The following TENM3 variants were observed in gnomAD, a reference collection of about 807,000 sequenced individuals.
TENM3 encodes teneurin-3.
In TENM3, 63 loss-of-function variants were observed where a neutral mutation model predicts 255.1. The ratio of observed to expected loss-of-function variants is 0.25; its 90% CI spans 0.20 to 0.30. The LOEUF is 0.30. Ranked by LOEUF, TENM3 falls within the 10% of genes least tolerant of loss-of-function variation. The pLI is 1.00. For synonymous variants in TENM3, 1,306 were observed against 1,322.3 expected, an observed-to-expected ratio of 0.99 and a Z score of 0.27; for missense variants, 2,929 against 3,461.1, an observed-to-expected ratio of 0.85 and a Z score of 3.86.
the TENM3 span, among the ~76,000 whole-genome samples, chr4:181,695,237 A>C: frequency 1.3e-5 from 2 of 152,254 alleles, no homozygotes; most frequent in Non-Finnish European, 1.5e-5. Flanking sequence ...GGAAGGACAC[A>C]TAGCTAAAGA....
At chr4:181,888,522 A>ATGTG in the TENM3 span, among the ~76,000 whole-genome samples, 8 of 92,638 alleles carry the variant, frequency 8.6e-5, no homozygotes, top group Non-Finnish European at 1.6e-4. Context: ...ATATGTATAT[A>ATGTG]TATACATATA....
the TENM3 span, among the ~76,000 whole-genome samples, chr4:182,049,009 GT>G: frequency 3.3e-5 from 5 of 152,078 alleles, no homozygotes; most frequent in African/African-American, 9.7e-5. Flanking sequence ...TTGTTGTGAT[GT>G]TTTTAATAGT....
At position 182,800,585 on chromosome 4, in the gene TENM3, C is replaced by T. The variant is rs1026116183; in HGVS notation, c.*234C>T. On this transcript the variant is annotated 3_prime_UTR_variant, in exon 28 of 28. Coordinates refer to ENST00000511685, the MANE Select transcript of TENM3 (RefSeq NM_001080477.4). ...TAGCGCTGCACTCAGTCGGACTGAA[C>T]GTAGCCAGAGGAAAAAAAAATCATC... The T allele has an allele frequency of 3.0e-5, 13 of 431,984 alleles. No homozygotes were observed. The East Asian group carries it at 3.4e-4, about 11-fold the overall frequency. The allele number at this position is 431,984 out of a possible 1,614,324, so 26.8% of individuals were successfully genotyped here. A position where few individuals can be genotyped will look rare whatever the true frequency, so the allele number is the denominator to read the frequency against.
the TENM3 span, among the ~76,000 whole-genome samples, chr4:181,485,707 G>A: frequency 4.6e-5 from 7 of 152,256 alleles, no homozygotes; most frequent in South Asian, 1.4e-3. Flanking sequence ...ATTCATTAAT[G>A]CTGCATTGAT....
intron 12 of TENM3, among the ~76,000 whole-genome samples, chr4:182,702,621 A>G (rs1401494273): frequency 1.3e-5 from 2 of 152,224 alleles, no homozygotes; most frequent in Non-Finnish European, 2.9e-5. Context: ...AGAAGCTAGT[A>G]AAATCTCCAC....
chr4:182,555,635 T>C (rs1742508564), intron 3 of TENM3, among the ~76,000 whole-genome samples: 1 of 152,170 alleles, frequency 6.6e-6, no homozygotes, highest in Non-Finnish European at 1.5e-5. Flanking sequence ...ATAAATACCA[T>C]GTCAAGAAAG....
chr4:182,117,252 C>T, the TENM3 span, among the ~76,000 whole-genome samples: 5 of 152,134 alleles, frequency 3.3e-5, no homozygotes, highest in Non-Finnish European at 7.4e-5. Flanking sequence ...ATTCTCTTGA[C>T]ACTGTCTTTT....
At chr4:181,652,142 T>TAA in the TENM3 span, among the ~76,000 whole-genome samples, 2,772 of 114,618 alleles carry the variant, frequency 0.024, 49 homozygotes, top group Middle Eastern at 0.034. Flanking sequence ...CACTTTGGGG[T>TAA]AAAAAAAAAA....
chr4:182,614,127 T>C (rs1229593813), intron 4 of TENM3, among the ~76,000 whole-genome samples: 3 of 152,236 alleles, frequency 2.0e-5, no homozygotes, highest in African/African-American at 7.2e-5. Context: ...TACATTGTAA[T>C]GTTGGTTGCT....
intron 2 of TENM3, among the ~76,000 whole-genome samples, chr4:182,326,122 G>C (rs1433810531): frequency 1.3e-5 from 2 of 152,230 alleles, no homozygotes; most frequent in Non-Finnish European, 2.9e-5. Context: ...GGGAGGCCTT[G>C]TTGGAGAGCA....
intron 25 of TENM3, among the ~76,000 whole-genome samples, chr4:182,791,739 C>A (rs1766118379): frequency 6.6e-6 from 1 of 152,134 alleles, no homozygotes; most frequent in Non-Finnish European, 1.5e-5. Context: ...GCTTTGTATA[C>A]ACTTTATCCA....
the TENM3 span, among the ~76,000 whole-genome samples, chr4:181,788,506 T>C: frequency 6.6e-6 from 1 of 152,140 alleles, no homozygotes; most frequent in East Asian, 1.9e-4. Flanking sequence ...ACACAGTCAG[T>C]CAGCAGAGGA....
Position 182,775,101 on chromosome 4 carries a change from T to G in TENM3, c.5252T>G (p.Phe1751Cys). 2.5e-6 allele frequency: 4 copies of G among 1,613,914 alleles called. No homozygotes were observed. Among genetic ancestry groups the G allele is most frequent in the Non-Finnish European group, 3.4e-6 (4 of 1,179,862 alleles). ...ENGQNLVEWR[F>C]RKEQAQGKVN... ...GGTCAAAACTTGGTGGAATGGAGAT[T>G]CCGAAAAGAGCAAGCCCAAGGGAAA... Residue 1751 changes from phenylalanine (F) to cysteine (C), a missense_variant, in exon 24 of 28, where the codon TTC becomes TGC. By Grantham distance (205) the Phe-to-Cys change is radical. Around this residue, in one of 6 missense-constraint regions of TENM3, gnomAD observed 303 missense variants for 425.2 expected, o/e 0.71. Transcript: ENST00000511685.
At chr4:181,575,309 C>G in the TENM3 span, among the ~76,000 whole-genome samples, 1 of 151,778 alleles carries the variant, frequency 6.6e-6, no homozygotes, top group Non-Finnish European at 1.5e-5. Flanking sequence ...CTTGTTTTTT[C>G]TATTTATATT....
chr4:181,649,707 G>A, the TENM3 span, among the ~76,000 whole-genome samples: 4 of 152,198 alleles, frequency 2.6e-5, no homozygotes, highest in Non-Finnish European at 2.9e-5. Context: ...TTAGTTGATC[G>A]TGAAAAATGT....
At chr4:181,552,500 C>T in the TENM3 span, among the ~76,000 whole-genome samples, 1 of 152,176 alleles carries the variant, frequency 6.6e-6, no homozygotes, top group South Asian at 2.1e-4. Flanking sequence ...ATTAGTTCCT[C>T]TCGTAAGAGC....
chr4:182,271,427 C>T (rs1561267021), intron 1 of TENM3, among the ~76,000 whole-genome samples: 2 of 152,140 alleles, frequency 1.3e-5, no homozygotes, highest in African/African-American at 2.4e-5. Flanking sequence ...AAGGCCTTCC[C>T]GTCCTTCCAC....
Position 182,287,484 on chromosome 4 carries a change from G to A in TENM3, c.-75-36462G>A, listed in dbSNP as rs150531381. ...GTTTCCGTTCCTAAGGAATGAATCC[G>A]TTTGTCGGTTCAAACATCACTTCCT... On this transcript the variant is annotated intron_variant, in intron 1 of 27. Coordinates refer to ENST00000511685, the MANE Select transcript of TENM3 (RefSeq NM_001080477.4). 4.5e-4 allele frequency among the ~76,000 whole-genome samples: 68 copies of A among 152,258 alleles called. 1 individual carries two copies. The East Asian group carries it at 9.7e-3, about 22-fold the overall frequency.
chr4:181,972,670 C>A, the TENM3 span, among the ~76,000 whole-genome samples: 1 of 152,066 alleles, frequency 6.6e-6, no homozygotes, highest in South Asian at 2.1e-4. Context: ...TGGGCAGTAT[C>A]TTTGACTGGT....
Sources: allele counts gnomAD v4.1 joint callset (sites outside exome capture counted in the v4.1 genomes callset), GRCh38; gene constraint gnomAD v4.1.1; regional missense constraint gnomAD v4.1.1; transcripts MANE v1.5; gene names NCBI Gene and HGNC (gene_info 2026-07-23, HGNC 2026-07-21).